AGBL1: variants seen among roughly 807,000 people sequenced by gnomAD.
AGBL1 encodes the protein AGBL carboxypeptidase 1, also known as cytosolic carboxypeptidase 4.
Under a neutral mutation model 118.9 loss-of-function variants are expected in AGBL1, and 130 were observed. That is an observed-to-expected ratio of 1.09 (90% CI 0.95 to 1.26). The LOEUF (loss-of-function observed/expected upper bound fraction) is 1.26. AGBL1 is among the 50% of genes most tolerant of loss of function. The pLI is 0.00. For missense variants in AGBL1, 1,584 were observed against 1,298.1 expected, an observed-to-expected ratio of 1.22 and a Z score of -3.38; for synonymous variants, 555 against 478.9, an observed-to-expected ratio of 1.16 and a Z score of -2.08.
At chr15:86,982,119 T>C (rs1335849217) in intron 23 of AGBL1, among the ~76,000 whole-genome samples, 2 of 152,146 alleles carry the variant, frequency 1.3e-5, no homozygotes, top group African/African-American at 4.8e-5. Context: ...CTTCTTAATG[T>C]CCTCCCAAAC....
intron 5 of AGBL1, among the ~76,000 whole-genome samples, chr15:86,185,954 A>T (rs117991479): frequency 0.032 from 4,803 of 151,898 alleles, 120 homozygotes; most frequent in East Asian, 0.072. Flanking sequence ...TAAAATAAAA[A>T]TTTTTTTTCT....
intron 18 of AGBL1, among the ~76,000 whole-genome samples, chr15:86,521,894 G>A (rs1448721854): frequency 6.6e-6 from 1 of 152,130 alleles, no homozygotes; most frequent in Admixed American, 6.6e-5. Context: ...ATGCTGTGCT[G>A]ATCCTCCCAA....
chr15:86,967,043 T>C (rs1427580956), intron 23 of AGBL1, among the ~76,000 whole-genome samples: 1 of 152,202 alleles, frequency 6.6e-6, no homozygotes, highest in Non-Finnish European at 1.5e-5. Context: ...TGGTATGTCG[T>C]TGTGGTTTTG....
chr15:86,917,790 G>GA (rs72522646), downstream of AGBL1, among the ~76,000 whole-genome samples: 197 of 68,412 alleles, frequency 2.9e-3, no homozygotes, highest in Middle Eastern at 8.9e-3. This position sits in a 1 kb window ranked among gnomAD's most constrained non-coding sequence, Gnocchi z 4.8. Context: ...GAGAGAGAGA[G>GA]AAGAGAGAGG....
intron 1 of AGBL1, 23 bp from the exon 2 acceptor site, chr15:86,141,981 G>A (rs1025996038): frequency 3.2e-6 from 5 of 1,547,082 alleles, no homozygotes; most frequent in Admixed American, 3.9e-5. Flanking sequence ...TCTTAAATAT[G>A]GCTGCCTGTG....
rs143236520 is a variant in AGBL1, at chr15:86,085,761, T to C, written c.51+5738T>C. 8.2e-4 allele frequency among the ~76,000 whole-genome samples: 125 copies of C among 152,312 alleles called. 1 individual carries two copies. Among genetic ancestry groups the C allele is most frequent in the African/African-American group, 2.7e-3 (112 of 41,568 alleles). On this transcript the variant is annotated intron_variant, in intron 1 of 22. Coordinates refer to ENST00000614907, the MANE Select transcript of AGBL1 (RefSeq NM_001386094.1). Reference sequence around the variant, plus strand: ...AGGGATTGGGGCAGGAGAACTGTTCTACAACACTTGATTTTTGTTGTTGTT... The same window carrying C: ...AGGGATTGGGGCAGGAGAACTGTTCCACAACACTTGATTTTTGTTGTTGTT...
intron 21 of AGBL1, among the ~76,000 whole-genome samples, chr15:86,585,761 G>A (rs2084238367): frequency 6.6e-6 from 1 of 152,154 alleles, no homozygotes; most frequent in Non-Finnish European, 1.5e-5. Flanking sequence ...CTGTTGGAAG[G>A]CTCTCTCTGT....
intron 23 of AGBL1, among the ~76,000 whole-genome samples, chr15:86,922,656 T>C (rs1411212768): frequency 6.6e-6 from 1 of 152,228 alleles, no homozygotes; most frequent in Non-Finnish European, 1.5e-5. Flanking sequence ...AGCTATAATT[T>C]AAATGCTATA....
intron 22 of AGBL1, among the ~76,000 whole-genome samples, chr15:86,674,656 T>C (rs556738356): frequency 2.0e-5 from 3 of 152,342 alleles, no homozygotes; most frequent in African/African-American, 7.2e-5. Flanking sequence ...TATGTATTTA[T>C]ACATATTTCT....
Position 86,598,674 on chromosome 15 carries a change from TG to T in AGBL1, c.2994+44140del, listed in dbSNP as rs1331330120. Among the ~76,000 whole-genome samples the T allele has an allele frequency of 4.6e-5, 7 of 152,234 alleles. No individual in the cohort carries two copies. In the East Asian group the frequency reaches 1.4e-3, roughly 29 times the overall value. On this transcript the variant is annotated intron_variant, in intron 21 of 22. Transcript: ENST00000614907. The stretch of plus-strand genomic sequence containing the variant: ...CTTCTGTATGTATGCTTCCCACTGT[TG>T]GGAACACTGCTGTGACTGTCTGCAC...
At chr15:86,725,414 A>C (rs927810493) in intron 22 of AGBL1, among the ~76,000 whole-genome samples, 1 of 152,092 alleles carries the variant, frequency 6.6e-6, no homozygotes, top group Non-Finnish European at 1.5e-5. Context: ...TTTAAAGGTA[A>C]GTAATTAATT....
chr15:86,080,572 G>A (rs1221354034), intron 1 of AGBL1, among the ~76,000 whole-genome samples: 3 of 152,166 alleles, frequency 2.0e-5, no homozygotes, highest in African/African-American at 7.2e-5. Context: ...CAGTAGCCTG[G>A]GAAACTGCCT....
rs146686174 is a variant in AGBL1, at chr15:86,422,449, C to T, written c.2555+24903C>T. ...AATCTCTGAGACACAGCTAAAGCAG[C>T]GTTTAGAGGGAAATTTATAGCACTA... On this transcript the variant is annotated intron_variant, in intron 18 of 22. Coordinates refer to ENST00000614907, the MANE Select transcript of AGBL1 (RefSeq NM_001386094.1). Among the ~76,000 whole-genome samples, 482 of 152,062 alleles carry T rather than the reference C, an allele frequency of 3.2e-3. 1 individual carries two copies. The highest frequency in any genetic ancestry group is 0.011 in the African/African-American group (454 of 41,466).
intron 17 of AGBL1, chr15:86,296,798 T>C (rs963501202): frequency 5.3e-5 from 8 of 152,222 alleles, no homozygotes; most frequent in Non-Finnish European, 1.2e-4. Context: ...TGAGCAGTGC[T>C]TGGGAGCTGG....
At chr15:87,029,629 G>C (rs1005720262), downstream of AGBL1, among the ~76,000 whole-genome samples, 3 of 151,844 alleles carry the variant, frequency 2.0e-5, no homozygotes, top group African/African-American at 7.2e-5. Flanking sequence ...TTTATAATGA[G>C]GAAACTAAGG....
chr15:86,860,531 G>A (rs12101298), intron 22 of AGBL1, among the ~76,000 whole-genome samples: 13,192 of 152,098 alleles, frequency 0.087, 654 homozygotes, highest in African/African-American at 0.12. Context: ...CACAGAGGCT[G>A]TTCATTAGAG....
chr15:86,899,350 C>A (rs2080178772), intron 22 of AGBL1, among the ~76,000 whole-genome samples: 1 of 151,800 alleles, frequency 6.6e-6, no homozygotes. Context: ...ACTTTTAAAC[C>A]CAAAAAGGAA....
At chr15:86,448,698 G>A (rs2082157239) in intron 18 of AGBL1, among the ~76,000 whole-genome samples, 3 of 81,186 alleles carry the variant, frequency 3.7e-5, no homozygotes, top group Admixed American at 3.5e-4. Context: ...CAATCAGATT[G>A]TCAGGGAGAG....
chr15:86,266,019 C>T (rs1185211111), intron 11 of AGBL1, among the ~76,000 whole-genome samples: 1 of 152,168 alleles, frequency 6.6e-6, no homozygotes, highest in African/African-American at 2.4e-5. Context: ...ATGTCTTCCT[C>T]AAAACTTTCT....
Sources: allele counts gnomAD v4.1 joint callset (sites outside exome capture counted in the v4.1 genomes callset), GRCh38; gene constraint gnomAD v4.1.1; non-coding constraint Gnocchi (gnomAD v3.1); transcripts MANE v1.5; gene names NCBI Gene and HGNC (gene_info 2026-07-23, HGNC 2026-07-21).